Variants in TG observed in about 807,000 individuals in gnomAD.
TG encodes the protein thyroglobulin, also known as thyroid hormones.
A neutral mutation model predicts 324.7 loss-of-function variants in TG; 270 were observed. The observed-to-expected ratio is 0.83, with a 90% CI of 0.75 to 0.92. The LOEUF (loss-of-function observed/expected upper bound fraction) is 0.92, where lower values mean the gene tolerates loss of function less well. Among genes scored for constraint, TG ranks in the 40% least tolerant of loss-of-function variants. The probability of loss-of-function intolerance (pLI) is 0.00; values close to 1 mark genes in which losing one functional copy is unlikely to be tolerated. For synonymous variants in TG, 1,401 were observed against 1,327.0 expected, an observed-to-expected ratio of 1.06 and a Z score of -1.21; for missense variants, 3,591 against 3,456.4, an observed-to-expected ratio of 1.04 and a Z score of -0.98.
In TG at chr8:133,013,770, C is replaced by A. The variant is rs1230163481; in HGVS notation, c.6562+6C>A. ...CCACATCTACCGGAAGCCAGGTAAG[C>A]CCAAGCCTATGCCTTTGCAGCCATC... is the stretch of plus-strand genomic sequence containing the variant. On this transcript the variant is annotated splice_donor_region_variant and intron_variant, in intron 37 of 47. Transcript: ENST00000220616. The A allele has an allele frequency of 1.9e-6, 3 of 1,608,004 alleles. No individual in the cohort carries two copies. Among genetic ancestry groups the A allele is most frequent in the Non-Finnish European group, 2.5e-6 (3 of 1,179,748 alleles).
chr8:132,882,176 G>A (rs1038396872), intron 6 of TG, among the ~76,000 whole-genome samples: 11 of 152,236 alleles, frequency 7.2e-5, no homozygotes, highest in African/African-American at 2.7e-4. Flanking sequence ...TAGTGCCTTT[G>A]TGCACATTGG....
intron 17 of TG, among the ~76,000 whole-genome samples, chr8:132,907,846 A>G (rs1049967816): frequency 1.8e-4 from 28 of 152,124 alleles, no homozygotes; most frequent in African/African-American, 6.8e-4. Context: ...CCCATCATCT[A>G]TGATGTCTAT....
At chr8:133,000,012 C>G (rs1436534122) in intron 35 of TG, among the ~76,000 whole-genome samples, 1 of 152,164 alleles carries the variant, frequency 6.6e-6, no homozygotes, top group East Asian at 1.9e-4. Flanking sequence ...TATTAACATT[C>G]ACTCTTAATA....
At chr8:132,963,911 G>A (rs1193551760) in intron 29 of TG, among the ~76,000 whole-genome samples, 1 of 152,050 alleles carries the variant, frequency 6.6e-6, no homozygotes, top group Non-Finnish European at 1.5e-5. Context: ...GCACGGCCAT[G>A]GGTAATTTGC....
intron 43 of TG, among the ~76,000 whole-genome samples, chr8:133,097,358 A>G (rs1564188084): frequency 6.6e-6 from 1 of 152,216 alleles, no homozygotes; most frequent in Non-Finnish European, 1.5e-5. Context: ...ATTGCATTGC[A>G]TTGTTTATTG....
intron 35 of TG, chr8:133,002,403 A>G: frequency 1.0e-6 from 1 of 985,502 alleles, no homozygotes; most frequent in African/African-American, 1.7e-5. Flanking sequence ...TTTCTAAGCG[A>G]TTAATTTGTT....
chr8:133,116,546 C>G, intron 44 of TG, 63 bp from the exon 45 acceptor site: 1 of 1,503,176 alleles, frequency 6.7e-7, no homozygotes, highest in Non-Finnish European at 9.3e-7. Flanking sequence ...GAAGCCCTTT[C>G]CAGGCACCAT....
intron 27 of TG, 104 bp downstream of exon 27, chr8:132,949,047 T>C (rs1825741813): frequency 3.0e-6 from 3 of 995,250 alleles, no homozygotes; most frequent in African/African-American, 3.8e-5. Flanking sequence ...GAGGAGCTTA[T>C]ACTTCTGAAA....
At chr8:133,039,501 T>G (rs911610516) in intron 41 of TG, among the ~76,000 whole-genome samples, 1 of 152,202 alleles carries the variant, frequency 6.6e-6, no homozygotes, top group East Asian at 1.9e-4. Flanking sequence ...AATCCCAAAC[T>G]ACAGATATCC....
chr8:133,051,959 G>C (rs1387230395), intron 41 of TG, among the ~76,000 whole-genome samples: 1 of 152,216 alleles, frequency 6.6e-6, no homozygotes, highest in African/African-American at 2.4e-5. Flanking sequence ...AGAAAAGCAA[G>C]CCCATTCTTG....
rs544802802 is a variant in TG at position 132,886,145 on chromosome 8, G to A, written c.1076-303G>A. Among the ~76,000 whole-genome samples, 6 of 152,278 alleles carry A rather than the reference G, an allele frequency of 3.9e-5. No homozygotes were observed. The South Asian group carries it at 1.2e-3, about 32-fold the overall frequency. ...CTATTCACCTGAGTACCATTGGCAA[G>A]TGAGGTCAGGTTTTCAGAAAGTGAG... On this transcript the variant is annotated intron_variant, in intron 8 of 47. Transcript: ENST00000220616.
intron 34 of TG, among the ~76,000 whole-genome samples, chr8:132,974,978 T>C (rs558539656): frequency 1.3e-5 from 2 of 152,384 alleles, no homozygotes; most frequent in African/African-American, 4.8e-5. Flanking sequence ...ATTGGCTTTT[T>C]ATTTTATTTT....
At chr8:133,080,914 A>T (rs1436057942) in intron 41 of TG, among the ~76,000 whole-genome samples, 1 of 152,132 alleles carries the variant, frequency 6.6e-6, no homozygotes, top group Non-Finnish European at 1.5e-5. Flanking sequence ...TCAACCAACA[A>T]TGATTGCTCC....
rs150326755 is a variant in TG at position 133,093,104 on chromosome 8, A to AGTGT, written c.7240-1927_7240-1924dup. 5.4e-3 allele frequency among the ~76,000 whole-genome samples: 783 copies of AGTGT among 144,644 alleles called. 43 individuals carry two copies. Among genetic ancestry groups the AGTGT allele is most frequent in the Admixed American group, 0.047 (705 of 14,868 alleles). The allele number at this position is 144,644 out of a possible 152,430, so 94.9% of individuals were successfully genotyped here. ...CGGAGTTTTGAGCTTGAATATTTTG[A>AGTGT]GTGTGTGTGTGTGTGTTTTCTTTTC... is the stretch of plus-strand genomic sequence containing the variant. On this transcript the variant is annotated intron_variant, in intron 41 of 47. Transcript: ENST00000220616.
chr8:133,131,661 A>G, intron 45 of TG, 151 bp from the exon 46 acceptor site: 1 of 1,152,498 alleles, frequency 8.7e-7, no homozygotes, highest in Non-Finnish European at 1.2e-6. Context: ...CCAAATCTCC[A>G]TTCAACTGGG....
At chr8:133,034,339 T>C (rs986627684) in intron 41 of TG, among the ~76,000 whole-genome samples, 5 of 152,220 alleles carry the variant, frequency 3.3e-5, no homozygotes, top group Non-Finnish European at 7.3e-5. Flanking sequence ...ATAAAAGTTT[T>C]GTGCAATCAT....
chr8:133,008,545 A>T (rs1005722830), intron 35 of TG, among the ~76,000 whole-genome samples: 2 of 152,156 alleles, frequency 1.3e-5, no homozygotes, highest in Non-Finnish European at 2.9e-5. Context: ...TAAACCATAG[A>T]CTCTACTTTT....
chr8:133,026,963 A>T (rs779114486), intron 40 of TG, among the ~76,000 whole-genome samples: 2 of 152,216 alleles, frequency 1.3e-5, no homozygotes, highest in African/African-American at 2.4e-5. Flanking sequence ...ACTCAACCTT[A>T]TGAGGAAGTG....
chr8:132,877,738 T>A (rs1162545329), intron 5 of TG, among the ~76,000 whole-genome samples: 4 of 152,190 alleles, frequency 2.6e-5, no homozygotes, highest in Non-Finnish European at 5.9e-5. Context: ...TCTTGAGGAT[T>A]CTTCTATGGC....
Sources: allele counts gnomAD v4.1 joint callset (sites outside exome capture counted in the v4.1 genomes callset), GRCh38; gene constraint gnomAD v4.1.1; transcripts MANE v1.5; gene names NCBI Gene and HGNC (gene_info 2026-07-23, HGNC 2026-07-21).